Variants in ZNF273 observed in about 807,000 individuals in gnomAD.
ZNF273 encodes the protein zinc finger protein 9.
In ZNF273, 11 loss-of-function variants were observed where a neutral mutation model predicts 14.9. The observed-to-expected ratio is 0.74, with a 90% CI of 0.46 to 1.22. ZNF273 has a LOEUF of 1.22. ZNF273 is among the 50% of genes most tolerant of loss of function. The pLI, the probability that ZNF273 is intolerant of heterozygous loss-of-function variation, is 0.00. For missense variants in ZNF273, 577 were observed against 660.6 expected, an observed-to-expected ratio of 0.87 and a Z score of 1.39; for synonymous variants, 199 against 223.9, an observed-to-expected ratio of 0.89 and a Z score of 0.99.
chr7:64,928,021 G>T lies in ZNF273; in HGVS notation c.693G>T (p.Val231=). The T allele has an allele frequency of 6.2e-7, 1 of 1,613,992 alleles. No individual in the cohort carries two copies. Among genetic ancestry groups the T allele is most frequent in the Middle Eastern group, 1.7e-4 (1 of 6,058 alleles). Residue 231 remains valine (V), a synonymous_variant, in exon 4 of 4, where the codon GTG becomes GTT. Coordinates refer to ENST00000476120, the MANE Select transcript of ZNF273 (RefSeq NM_021148.3). ...AGCATAAGAAAACTGCTACTAGAGTGAATTTCTACAAATGTAAGACATGTG... is the reference window on the plus strand; with the variant it reads ...AGCATAAGAAAACTGCTACTAGAGTTAATTTCTACAAATGTAAGACATGTG... ...LTQHKKTATR[V]NFYKCKTCGK... is the part of the protein sequence containing the mutation.
chr7:64,920,718 G>C (rs892751446), intron 3 of ZNF273, among the ~76,000 whole-genome samples: 1 of 151,606 alleles, frequency 6.6e-6, no homozygotes, highest in Non-Finnish European at 1.5e-5. Context: ...TTGAGCTTTA[G>C]CAGAGTTTCA....
intron 1 of ZNF273, among the ~76,000 whole-genome samples, chr7:64,904,820 A>G (rs951327873): frequency 7.2e-5 from 11 of 152,170 alleles, no homozygotes; most frequent in African/African-American, 2.4e-4. Context: ...TTTTTAAAAT[A>G]ATCTTCCCTA....
chr7:64,925,882 A>G (rs1584011390), intron 3 of ZNF273, among the ~76,000 whole-genome samples: 1 of 151,136 alleles, frequency 6.6e-6, no homozygotes, highest in East Asian at 1.9e-4. Context: ...ATAATTAAAA[A>G]TGTGTACTGC....
chr7:64,883,871 A>G (rs1474651097), downstream of ZNF273, among the ~76,000 whole-genome samples: 2 of 152,204 alleles, frequency 1.3e-5, no homozygotes, highest in Admixed American at 1.3e-4. Context: ...GACGACCCTC[A>G]TGGGGACCAT....
chr7:64,926,576 A>G (rs1794776672), intron 3 of ZNF273, among the ~76,000 whole-genome samples: 1 of 152,144 alleles, frequency 6.6e-6, no homozygotes, highest in African/African-American at 2.4e-5. Context: ...TTACAGCTTC[A>G]TTCTTTAATA....
downstream of ZNF273, among the ~76,000 whole-genome samples, chr7:64,935,050 T>C (rs957622891): frequency 3.9e-5 from 6 of 152,194 alleles, no homozygotes; most frequent in African/African-American, 1.4e-4. Context: ...ACATTTATTG[T>C]AGATGAGATT....
downstream of ZNF273, among the ~76,000 whole-genome samples, chr7:64,894,057 T>G (rs1462251422): frequency 2.6e-5 from 4 of 152,176 alleles, no homozygotes; most frequent in Non-Finnish European, 5.9e-5. Flanking sequence ...CAGGCTGGAG[T>G]GCAGTGGTGC....
At chr7:64,927,100 CCTT>C (rs941252255) in intron 3 of ZNF273, among the ~76,000 whole-genome samples, 23 of 152,146 alleles carry the variant, frequency 1.5e-4, no homozygotes, top group African/African-American at 5.5e-4. Context: ...GCAATTTACT[CCTT>C]TTTTTTGAGA....
At chr7:64,918,056 T>C in intron 2 of ZNF273, 141 bp from the exon 3 acceptor site, 1 of 715,220 alleles carries the variant, frequency 1.4e-6, no homozygotes, top group Non-Finnish European at 2.0e-6. Context: ...TTTTTAAATA[T>C]TTAGAAATTT....
chr7:64,886,237 A>G (rs1791570495), intron 1 of ZNF273, among the ~76,000 whole-genome samples: 1 of 152,204 alleles, frequency 6.6e-6, no homozygotes. Flanking sequence ...ACTCAGTTGA[A>G]TGAGCCCAGA....
chr7:64,893,079 G>C (rs1320819763), downstream of ZNF273, among the ~76,000 whole-genome samples: 1 of 150,238 alleles, frequency 6.7e-6, no homozygotes, highest in Non-Finnish European at 1.5e-5. Context: ...TATGTTTGCA[G>C]CTCCATTTTT....
the ZNF273 span, among the ~76,000 whole-genome samples, chr7:64,937,041 T>A: frequency 1.3e-5 from 2 of 152,236 alleles, no homozygotes; most frequent in Non-Finnish European, 2.9e-5. Flanking sequence ...ATATTACTTT[T>A]TTGGCTATAC....
In ZNF273 at chr7:64,927,775, C is replaced by T. The variant is rs1457833605; in HGVS notation, c.447C>T (p.Gly149=). 10 of 1,613,750 alleles carry T rather than the reference C, an allele frequency of 6.2e-6. 1 individual carries two copies. The highest frequency in any genetic ancestry group is 3.3e-5 in the South Asian group (3 of 90,964). ...YGHENLQLRK[G]CKSADEHKVH... The stretch of plus-strand genomic sequence containing the variant: ...ATGAGAATTTACAATTAAGAAAAGG[C>T]TGTAAAAGTGCGGATGAGCATAAGG... Residue 149 remains glycine, a synonymous_variant, in exon 4 of 4, where the codon GGC becomes GGT. Coordinates refer to ENST00000476120, the MANE Select transcript of ZNF273 (RefSeq NM_021148.3).
upstream of ZNF273, among the ~76,000 whole-genome samples, chr7:64,899,940 A>G (rs1317500585): frequency 6.6e-6 from 1 of 151,474 alleles, no homozygotes; most frequent in Non-Finnish European, 1.5e-5. Flanking sequence ...TTGTATTTTT[A>G]GTAGAGACGG....
At chr7:64,896,736 T>C (rs1263203510) in intron 3 of ZNF273, among the ~76,000 whole-genome samples, 2 of 152,132 alleles carry the variant, frequency 1.3e-5, no homozygotes, top group Non-Finnish European at 2.9e-5. Flanking sequence ...TCTGGGCTCA[T>C]AGCTCATGAC....
intron 3 of ZNF273, among the ~76,000 whole-genome samples, chr7:64,922,417 C>G (rs1794536482): frequency 6.6e-6 from 1 of 151,942 alleles, no homozygotes; most frequent in South Asian, 2.1e-4. Context: ...CAACCTCTGC[C>G]TCCCAGGTTC....
At chr7:64,932,039 C>T (rs1292957813), downstream of ZNF273, among the ~76,000 whole-genome samples, 1 of 151,782 alleles carries the variant, frequency 6.6e-6, no homozygotes, top group East Asian at 1.9e-4. Context: ...TGTCTTTATG[C>T]CATGTCATTT....
At chr7:64,900,062 G>C (rs1159006615), upstream of ZNF273, among the ~76,000 whole-genome samples, 1 of 151,924 alleles carries the variant, frequency 6.6e-6, no homozygotes, top group Non-Finnish European at 1.5e-5. Flanking sequence ...GGTTTCAAGG[G>C]ATTTAACTGT....
chr7:64,888,617 C>G, exon 2 of ZNF273: 1 of 985,920 alleles, frequency 1.0e-6, no homozygotes, highest in African/African-American at 1.7e-5. Context: ...CACCACCCAG[C>G]AGGAGCGGGG....
Sources: gnomAD v4.1 joint callset for allele counts (sites outside exome capture counted in the v4.1 genomes callset) on GRCh38, gnomAD v4.1.1 for gene constraint, MANE v1.5 for transcripts, NCBI Gene and HGNC (gene_info 2026-07-23, HGNC 2026-07-21) for gene names.